Variants in KIAA1549L observed in about 807,000 individuals in gnomAD.
KIAA1549L encodes KIAA1549 like.
In KIAA1549L, 88 loss-of-function variants were observed where a neutral mutation model predicts 160.7. The observed-to-expected ratio is 0.55, with a 90% CI of 0.46 to 0.65. The LOEUF (loss-of-function observed/expected upper bound fraction) is 0.65, where lower values mean the gene tolerates loss of function less well. Ranked by LOEUF, KIAA1549L falls within the 30% of genes least tolerant of loss-of-function variation. KIAA1549L has a pLI of 0.00. For missense variants in KIAA1549L, 2,258 were observed against 2,437.5 expected, an observed-to-expected ratio of 0.93 and a Z score of 1.55; for synonymous variants, 950 against 976.7, an observed-to-expected ratio of 0.97 and a Z score of 0.51.
intron 1 of KIAA1549L, among the ~76,000 whole-genome samples, chr11:33,425,558 C>G (rs1297159847): frequency 1.3e-5 from 2 of 152,138 alleles, no homozygotes; most frequent in Non-Finnish European, 2.9e-5. Context: ...GATAAATATT[C>G]ATGGGAGACA....
chr11:33,666,829 C>T (rs779082385), intron 20 of KIAA1549L, among the ~76,000 whole-genome samples: 3 of 152,194 alleles, frequency 2.0e-5, no homozygotes, highest in Non-Finnish European at 4.4e-5. Context: ...GTCTTGGTAG[C>T]TTGTCGCCTT....
chr11:33,609,849 A>T lies in KIAA1549L; in HGVS notation c.5162A>T (p.Glu1721Val). 1 of 1,613,916 alleles carries T rather than the reference A, an allele frequency of 6.2e-7. No individual in the cohort carries two copies. The highest frequency in any genetic ancestry group is 8.5e-7 in the Non-Finnish European group (1 of 1,179,828). The change falls in exon 15 of 21, where the codon GAG becomes GTG. Residue 1721 changes from glutamate to valine, a missense_variant. Transcript: ENST00000658780. Reference sequence around the variant, plus strand: ...GGATATTACGACTTCCCTGCAGTGGAGACGAGCAAGGGTCTGACCGAAAGA... The same window carrying T: ...GGATATTACGACTTCCCTGCAGTGGTGACGAGCAAGGGTCTGACCGAAAGA... ...RKGYYDFPAVETSKGLTERKK... is the reference protein window; with the variant it reads ...RKGYYDFPAVVTSKGLTERKK...
chr11:33,497,123 C>T (rs568206652), intron 1 of KIAA1549L, among the ~76,000 whole-genome samples: 9 of 152,286 alleles, frequency 5.9e-5, no homozygotes, highest in East Asian at 3.9e-4. Flanking sequence ...CTCCCCAGCA[C>T]CTCATCTTAC....
At chr11:33,572,076 G>A (rs1055114513) in intron 9 of KIAA1549L, among the ~76,000 whole-genome samples, 36 of 149,092 alleles carry the variant, frequency 2.4e-4, no homozygotes, top group Middle Eastern at 6.9e-3. Flanking sequence ...TCGCTCTGTC[G>A]CCCAGGCTGG....
chr11:33,404,561 A>G (rs1263278129), intron 1 of KIAA1549L, among the ~76,000 whole-genome samples: 1 of 152,052 alleles, frequency 6.6e-6, no homozygotes, highest in East Asian at 1.9e-4. Flanking sequence ...AAAACCTTTC[A>G]TTTAAAGTCA....
chr11:33,411,959 C>T (rs1850793691), intron 1 of KIAA1549L, among the ~76,000 whole-genome samples: 1 of 152,202 alleles, frequency 6.6e-6, no homozygotes, highest in Non-Finnish European at 1.5e-5. Flanking sequence ...TCCATTCTAG[C>T]CGCTCACAGG....
At chr11:33,639,260 A>G (rs1041533478) in intron 16 of KIAA1549L, among the ~76,000 whole-genome samples, 3 of 152,158 alleles carry the variant, frequency 2.0e-5, no homozygotes, top group Non-Finnish European at 2.9e-5. Flanking sequence ...TGTGTGCACT[A>G]TTGTAGATGT....
intron 1 of KIAA1549L, among the ~76,000 whole-genome samples, chr11:33,449,178 T>C (rs1201939579): frequency 6.6e-6 from 1 of 152,236 alleles, no homozygotes; most frequent in Non-Finnish European, 1.5e-5. Context: ...GAACATGTAT[T>C]ATTATTTTAT....
intron 1 of KIAA1549L, among the ~76,000 whole-genome samples, chr11:33,420,314 G>A (rs771386881): frequency 7.1e-6 from 1 of 141,712 alleles, no homozygotes; most frequent in Non-Finnish European, 1.5e-5. Context: ...CTGCAACCTC[G>A]ACCTCTCAGG....
intron 20 of KIAA1549L, among the ~76,000 whole-genome samples, chr11:33,661,305 A>G (rs1006933958): frequency 6.6e-6 from 1 of 152,162 alleles, no homozygotes; most frequent in Admixed American, 6.5e-5. Context: ...AGTATTTTCT[A>G]TCTACTAGAC....
At position 33,459,727 on chromosome 11, in the gene KIAA1549L, C is replaced by T. The variant is rs542805087; in HGVS notation, c.239-82075C>T. On this transcript the variant is annotated intron_variant, in intron 1 of 20. Coordinates refer to ENST00000658780, the MANE Select transcript of KIAA1549L (RefSeq NM_012194.3). Reference sequence around the variant, plus strand: ...CTGTAATCCCAGCACTTTGGGAGGCCGAGGCGGGCGGATCACGAGGTCAGG... The same window carrying T: ...CTGTAATCCCAGCACTTTGGGAGGCTGAGGCGGGCGGATCACGAGGTCAGG... Among the ~76,000 whole-genome samples, 250 of 151,644 alleles carry T rather than the reference C, an allele frequency of 1.6e-3. 1 individual carries two copies. The highest frequency in any genetic ancestry group is 4.2e-3 in the African/African-American group (172 of 41,276).
chr11:33,431,933 G>T (rs985780681), intron 1 of KIAA1549L, among the ~76,000 whole-genome samples: 1 of 152,240 alleles, frequency 6.6e-6, no homozygotes, highest in African/African-American at 2.4e-5. Context: ...GCTCAGCGCT[G>T]GTGGGCTGGC....
intron 16 of KIAA1549L, among the ~76,000 whole-genome samples, chr11:33,639,000 T>G (rs953150028): frequency 6.6e-6 from 1 of 152,238 alleles, no homozygotes; most frequent in Non-Finnish European, 1.5e-5. Flanking sequence ...TAGGAACTAT[T>G]TATATATTGT....
intron 1 of KIAA1549L, among the ~76,000 whole-genome samples, chr11:33,495,921 T>C (rs1427136993): frequency 6.6e-6 from 1 of 152,074 alleles, no homozygotes; most frequent in Admixed American, 6.5e-5. Flanking sequence ...TGCATAAATG[T>C]CTTCTTTTGA....
At chr11:33,553,212 C>T (rs1182886805) in intron 6 of KIAA1549L, among the ~76,000 whole-genome samples, 2 of 152,034 alleles carry the variant, frequency 1.3e-5, no homozygotes, top group African/African-American at 4.8e-5. Flanking sequence ...ATTGCCTAAG[C>T]TGGTCTCTAA....
intron 1 of KIAA1549L, among the ~76,000 whole-genome samples, chr11:33,424,536 T>C (rs1851080568): frequency 6.6e-6 from 1 of 152,226 alleles, no homozygotes. Flanking sequence ...CATGGTTAAA[T>C]TCCTAGGACC....
At chr11:33,553,496 G>T (rs1315295181) in intron 6 of KIAA1549L, among the ~76,000 whole-genome samples, 1 of 152,200 alleles carries the variant, frequency 6.6e-6, no homozygotes, top group Non-Finnish European at 1.5e-5. Context: ...TATCAGCAAA[G>T]CCAATATGAT....
intron 1 of KIAA1549L, among the ~76,000 whole-genome samples, chr11:33,403,806 G>C (rs1850589670): frequency 6.6e-6 from 1 of 152,012 alleles, no homozygotes; most frequent in African/African-American, 2.4e-5. Flanking sequence ...GTAGGTCACA[G>C]TTCATACTTT....
At chr11:33,453,690 G>A (rs1418870019) in intron 1 of KIAA1549L, among the ~76,000 whole-genome samples, 1 of 152,180 alleles carries the variant, frequency 6.6e-6, no homozygotes, top group Non-Finnish European at 1.5e-5. Flanking sequence ...ATAGCTATGG[G>A]AATTAAGTTT....
Sources: gnomAD v4.1 joint callset for allele counts (sites outside exome capture counted in the v4.1 genomes callset) on GRCh38, gnomAD v4.1.1 for gene constraint, MANE v1.5 for transcripts, NCBI Gene and HGNC (gene_info 2026-07-23, HGNC 2026-07-21) for gene names.